GABRB2: variants seen among roughly 807,000 people sequenced by gnomAD.
The protein encoded by GABRB2 is gamma-aminobutyric acid receptor subunit beta-2.
GABRB2 carries 16 observed loss-of-function variants against 54.7 expected under a neutral mutation model. The ratio of observed to expected loss-of-function variants is 0.29; its 90% CI spans 0.20 to 0.44. The LOEUF (loss-of-function observed/expected upper bound fraction) is 0.44. Among genes scored for constraint, GABRB2 ranks in the 20% least tolerant of loss-of-function variants. GABRB2 has a pLI of 1.00. For missense variants in GABRB2, 355 were observed against 644.0 expected, an observed-to-expected ratio of 0.55 and a Z score of 4.86; for synonymous variants, 244 against 233.8, an observed-to-expected ratio of 1.04 and a Z score of -0.40.
chr5:161,486,289 G>T (rs1758919021), intron 3 of GABRB2, among the ~76,000 whole-genome samples: 2 of 152,036 alleles, frequency 1.3e-5, no homozygotes, highest in South Asian at 4.1e-4. Flanking sequence ...CACTTGTTTG[G>T]AAATAAGCAC....
At chr5:161,331,277 T>C in intron 7 of GABRB2, 150 bp from the exon 8 acceptor site, 1 of 857,494 alleles carries the variant, frequency 1.2e-6, no homozygotes, top group Non-Finnish European at 1.8e-6. Context: ...AGCCCTAGGA[T>C]AGGGAATGGA....
chr5:161,297,762 T>C (rs1460370666), intron 9 of GABRB2, among the ~76,000 whole-genome samples: 1 of 152,216 alleles, frequency 6.6e-6, no homozygotes, highest in Non-Finnish European at 1.5e-5. Context: ...TGTGTCTTTA[T>C]AGTAGAATGA....
intron 5 of GABRB2, among the ~76,000 whole-genome samples, chr5:161,403,045 T>A (rs1756248025): frequency 6.6e-6 from 1 of 152,144 alleles, no homozygotes; most frequent in South Asian, 2.1e-4. Context: ...AAGTTCAACG[T>A]GAGAGTGTGC....
At chr5:161,491,132 T>A (rs2113352596) in intron 3 of GABRB2, among the ~76,000 whole-genome samples, 1 of 151,788 alleles carries the variant, frequency 6.6e-6, no homozygotes. Flanking sequence ...GACATAACTG[T>A]GGGTCTTGTA....
intron 9 of GABRB2, among the ~76,000 whole-genome samples, chr5:161,310,990 C>T (rs1757850622): frequency 6.6e-6 from 1 of 151,962 alleles, no homozygotes; most frequent in Non-Finnish European, 1.5e-5. Context: ...TCGATCTCCT[C>T]ACCTCGTGAT....
At chr5:161,486,709 C>T (rs1026564523) in intron 3 of GABRB2, among the ~76,000 whole-genome samples, 1 of 151,746 alleles carries the variant, frequency 6.6e-6, no homozygotes, top group Non-Finnish European at 1.5e-5. Context: ...TATGCTTTTC[C>T]CTCCCATTCA....
chr5:161,464,118 G>C (rs191049399), intron 3 of GABRB2, among the ~76,000 whole-genome samples: 1 of 151,694 alleles, frequency 6.6e-6, no homozygotes, highest in East Asian at 1.9e-4. Flanking sequence ...AGAATTTAAG[G>C]TTTTTTTTCC....
Position 161,504,359 on chromosome 5 carries a change from GACA to G in GABRB2, c.237+40865_237+40867del, listed in dbSNP as rs544506912. On this transcript the variant is annotated intron_variant, in intron 3 of 9. Coordinates refer to ENST00000393959, the MANE Select transcript of GABRB2 (RefSeq NM_001371727.1). ...TAATGTCATTTACTGTATGTTCTAT[GACA>G]ACAACAGAATCACATTAGATTTTCA... Among the ~76,000 whole-genome samples the G allele has an allele frequency of 4.0e-3, 613 of 152,160 alleles. 3 individuals carry two copies. The highest frequency in any genetic ancestry group is 0.01 in the Middle Eastern group (3 of 294).
rs1757218391 is a variant in GABRB2 at position 161,290,849 on chromosome 5, T to C, written c.*3232A>G. 1 of 152,592 alleles carries C rather than the reference T, an allele frequency of 6.6e-6. No individual in the cohort carries two copies. The highest frequency in any genetic ancestry group is 6.6e-5 in the Admixed American group (1 of 15,260). 9.5% of individuals were successfully genotyped at this position (152,592 alleles called of 1,614,324 possible). A position where few individuals can be genotyped will look rare whatever the true frequency, so the allele number is the denominator to read the frequency against. On this transcript the variant is annotated 3_prime_UTR_variant, in exon 10 of 10. Transcript: ENST00000393959. ...CCATTACGCATTCCACTGCTCTTTC[T>C]TTATGTGTTGTGCTTTTGTAAGCTG...
At position 161,546,721 on chromosome 5, in the gene GABRB2, A is replaced by C; in HGVS notation, c.-78T>G. On this transcript the variant is annotated 5_prime_UTR_variant, in exon 1 of 10. It adds an upstream start codon to the 5' untranslated region. Transcript: ENST00000393959. Reference sequence around the variant, plus strand: ...TTAGTCTGCCCAGTGCAGTAATTCTAATGTGAGGCGCATGCGCACGGCGTA... The same window carrying C: ...TTAGTCTGCCCAGTGCAGTAATTCTCATGTGAGGCGCATGCGCACGGCGTA... 1 of 1,544,426 alleles carries C rather than the reference A, an allele frequency of 6.5e-7. No individual in the cohort carries two copies. Among genetic ancestry groups the C allele is most frequent in the South Asian group, 1.2e-5 (1 of 83,646 alleles).
intron 3 of GABRB2, among the ~76,000 whole-genome samples, chr5:161,500,707 GA>G (rs1759405967): frequency 6.6e-6 from 1 of 152,112 alleles, no homozygotes; most frequent in Non-Finnish European, 1.5e-5. Context: ...GGAGATTATT[GA>G]TAAGTGAATT....
intron 3 of GABRB2, among the ~76,000 whole-genome samples, chr5:161,525,391 T>C (rs2113441394): frequency 6.6e-6 from 1 of 151,464 alleles, no homozygotes; most frequent in Non-Finnish European, 1.5e-5. Context: ...AATAAATATA[T>C]AGACCATTAA....
chr5:161,440,062 C>CAAAAAAAAAA (rs61152845), intron 4 of GABRB2, among the ~76,000 whole-genome samples: 1 of 77,196 alleles, frequency 1.3e-5, no homozygotes, highest in African/African-American at 4.1e-5. Context: ...AACCTCAAAC[C>CAAAAAAAAAA]AAAAAAAAAA....
At chr5:161,463,492 C>T (rs994087821) in intron 3 of GABRB2, among the ~76,000 whole-genome samples, 1 of 139,570 alleles carries the variant, frequency 7.2e-6, no homozygotes, top group East Asian at 2.2e-4. Context: ...TTATTCACTT[C>T]ATTTCAAACC....
chr5:161,322,055 A>C (rs1758226623), intron 9 of GABRB2, among the ~76,000 whole-genome samples: 1 of 152,172 alleles, frequency 6.6e-6, no homozygotes, highest in Non-Finnish European at 1.5e-5. Flanking sequence ...TTCTGTAGTC[A>C]TATTTTCTGT....
At chr5:161,345,736 T>C (rs573470473) in intron 5 of GABRB2, among the ~76,000 whole-genome samples, 1 of 152,214 alleles carries the variant, frequency 6.6e-6, no homozygotes, top group Non-Finnish European at 1.5e-5. Flanking sequence ...ACTAGTGTGG[T>C]CCTCACAGCC....
intron 4 of GABRB2, among the ~76,000 whole-genome samples, chr5:161,419,435 C>T (rs766289748): frequency 6.6e-6 from 1 of 152,124 alleles, no homozygotes; most frequent in African/African-American, 2.4e-5. Context: ...AGCTACCAAC[C>T]AACCAAGCAA....
At chr5:161,331,961 C>G (rs13178374) in intron 7 of GABRB2, among the ~76,000 whole-genome samples, 3,739 of 151,718 alleles carry the variant, frequency 0.025, 66 homozygotes, top group East Asian at 0.075. Context: ...GTCAGGAGAT[C>G]GAGACCATCC....
At chr5:161,411,565 T>C (rs1445838195) in intron 4 of GABRB2, among the ~76,000 whole-genome samples, 1 of 152,192 alleles carries the variant, frequency 6.6e-6, no homozygotes, top group Non-Finnish European at 1.5e-5. Flanking sequence ...ATCAGCCATT[T>C]ATCTATACCT....
Sources: gnomAD v4.1 joint callset for allele counts (sites outside exome capture counted in the v4.1 genomes callset) on GRCh38, gnomAD v4.1.1 for gene constraint, MANE v1.5 for transcripts, NCBI Gene and HGNC (gene_info 2026-07-23, HGNC 2026-07-21) for gene names.